The following ZFPM2 variants were observed in gnomAD, a reference collection of about 807,000 sequenced individuals.
The protein encoded by ZFPM2 is zinc finger protein ZFPM2.
In ZFPM2, 20 loss-of-function variants were observed where a neutral mutation model predicts 98.6. The ratio of observed to expected loss-of-function variants is 0.20; its 90% CI spans 0.14 to 0.29. The LOEUF (loss-of-function observed/expected upper bound fraction) is 0.29. Ranked by LOEUF, ZFPM2 falls within the 10% of genes least tolerant of loss-of-function variation. The pLI is 1.00. For missense variants in ZFPM2, 1,310 were observed against 1,388.6 expected, an observed-to-expected ratio of 0.94 and a Z score of 0.90; for synonymous variants, 518 against 502.7, an observed-to-expected ratio of 1.03 and a Z score of -0.41.
chr8:105,670,051 TA>T (rs1817559911), intron 5 of ZFPM2: 1 of 152,190 alleles, frequency 6.6e-6, no homozygotes, highest in South Asian at 2.1e-4. Context: ...AGTCAAACTT[TA>T]TTCTTTTTTA....
intron 2 of ZFPM2, among the ~76,000 whole-genome samples, chr8:105,424,850 G>T (rs56703672): frequency 6.6e-6 from 1 of 151,944 alleles, no homozygotes; most frequent in Non-Finnish European, 1.5e-5. Context: ...CAGGAGGAGA[G>T]AGAGAGAGGC....
At chr8:105,628,299 T>C (rs1816695555) in intron 4 of ZFPM2, among the ~76,000 whole-genome samples, 1 of 152,172 alleles carries the variant, frequency 6.6e-6, no homozygotes, top group African/African-American at 2.4e-5. Flanking sequence ...TGATTCAGGA[T>C]ATGATGTATC....
chr8:105,546,961 T>C (rs377279822), intron 3 of ZFPM2, among the ~76,000 whole-genome samples: 59 of 152,334 alleles, frequency 3.9e-4, no homozygotes, highest in African/African-American at 1.4e-3. Context: ...AATAAAAGTA[T>C]CACAGTTTCC....
intron 5 of ZFPM2, among the ~76,000 whole-genome samples, chr8:105,737,985 G>GA (rs1486054035): frequency 1.2e-5 from 1 of 85,062 alleles, no homozygotes; most frequent in African/African-American, 3.4e-5. Flanking sequence ...AAAAGATGAG[G>GA]AAAAAAAAGC....
intron 1 of ZFPM2, among the ~76,000 whole-genome samples, chr8:105,344,732 T>G (rs1812485365): frequency 6.6e-6 from 1 of 152,072 alleles, no homozygotes; most frequent in Non-Finnish European, 1.5e-5. Flanking sequence ...ATATATGCTA[T>G]GATTCTAAAT....
intron 3 of ZFPM2, among the ~76,000 whole-genome samples, chr8:105,486,026 GA>G (rs1228839052): frequency 6.6e-6 from 1 of 152,092 alleles, no homozygotes; most frequent in Non-Finnish European, 1.5e-5. Flanking sequence ...TGACTCACAT[GA>G]AAAGCTGGCC....
Position 105,380,676 on chromosome 8 carries a change from T to TTATATATATTA in ZFPM2, c.41-38459_41-38458insTATATATATAT, listed in dbSNP as rs1810841829. ...ATATATATTATATATAACATATATA[T>TTATATATATTA]TATATATATATTATATATAACATAT... On this transcript the variant is annotated intron_variant, in intron 1 of 7. Coordinates refer to ENST00000407775, the MANE Select transcript of ZFPM2 (RefSeq NM_012082.4). Among the ~76,000 whole-genome samples, 2 of 14,186 alleles carry TTATATATATTA rather than the reference T, an allele frequency of 1.4e-4. 1 individual carries two copies. The highest frequency in any genetic ancestry group is 6.5e-4 in the African/African-American group (2 of 3,054). 9.3% of individuals were successfully genotyped at this position (14,186 alleles called of 152,430 possible). A position where few individuals can be genotyped will look rare whatever the true frequency, so the allele number is the denominator to read the frequency against.
At chr8:105,571,805 A>T (rs1815360432) in intron 4 of ZFPM2, among the ~76,000 whole-genome samples, 1 of 152,284 alleles carries the variant, frequency 6.6e-6, no homozygotes, top group Non-Finnish European at 1.5e-5. Context: ...TCAAACTCTG[A>T]TAACATATTG....
At chr8:105,420,386 CA>C (rs997699530) in intron 2 of ZFPM2, among the ~76,000 whole-genome samples, 7 of 151,692 alleles carry the variant, frequency 4.6e-5, no homozygotes, top group East Asian at 1.9e-4. Flanking sequence ...ATGGTGTCAA[CA>C]AAAAAAGTCA....
intron 3 of ZFPM2, among the ~76,000 whole-genome samples, chr8:105,536,335 A>G (rs1250412457): frequency 1.3e-5 from 2 of 152,016 alleles, no homozygotes; most frequent in East Asian, 3.9e-4. Context: ...GATTGCTAAT[A>G]TATTAAGGAA....
intron 5 of ZFPM2, among the ~76,000 whole-genome samples, chr8:105,702,865 G>A (rs1376781286): frequency 6.6e-6 from 1 of 152,206 alleles, no homozygotes; most frequent in East Asian, 1.9e-4. Context: ...CTCTGACATT[G>A]TGGAGCCAAG....
rs1333304586 is a variant in ZFPM2, at chr8:105,798,954, T to A, written c.964+6T>A. The A allele has an allele frequency of 1.2e-6, 2 of 1,610,250 alleles. No homozygotes were observed. The highest frequency in any genetic ancestry group is 1.7e-4 in the Middle Eastern group (1 of 6,060). ...GCACCTGAATTCACACAGTGGTAAA[T>A]GCCCCTTTTGTTTCTTCTGTTGCTC... On this transcript the variant is annotated splice_donor_region_variant and intron_variant, in intron 7 of 7. Coordinates refer to ENST00000407775, the MANE Select transcript of ZFPM2 (RefSeq NM_012082.4).
intron 4 of ZFPM2, among the ~76,000 whole-genome samples, chr8:105,562,762 C>T (rs1322984451): frequency 4.6e-5 from 7 of 152,102 alleles, no homozygotes; most frequent in Non-Finnish European, 5.9e-5. Context: ...CTGCCTGGGT[C>T]GTCTAAGCTA....
intron 5 of ZFPM2, among the ~76,000 whole-genome samples, chr8:105,769,587 G>A (rs1812938090): frequency 6.6e-6 from 1 of 151,932 alleles, no homozygotes; most frequent in Admixed American, 6.6e-5. Flanking sequence ...TTTTCTTTAT[G>A]TCAGAGCTTA....
At chr8:105,622,893 A>G (rs1816581094) in intron 4 of ZFPM2, among the ~76,000 whole-genome samples, 1 of 152,232 alleles carries the variant, frequency 6.6e-6, no homozygotes, top group South Asian at 2.1e-4. Context: ...AGTAAATTTT[A>G]AAACCAAATA....
rs1006673963 is a variant in ZFPM2 at position 105,691,514 on chromosome 8, C to T, written c.532+57157C>T. Among the ~76,000 whole-genome samples, 5 of 151,888 alleles carry T rather than the reference C, an allele frequency of 3.3e-5. 2 individuals are homozygous for T. The highest frequency in any genetic ancestry group is 9.7e-5 in the African/African-American group (4 of 41,308). On this transcript the variant is annotated intron_variant, in intron 5 of 7. Coordinates refer to ENST00000407775, the MANE Select transcript of ZFPM2 (RefSeq NM_012082.4). ...CCACCCGCCTCGGCCTCCCAAAGTG[C>T]TGGGATTACAGGCGTGAGCCACCGC... is the stretch of plus-strand genomic sequence containing the variant.
intron 5 of ZFPM2, among the ~76,000 whole-genome samples, chr8:105,664,483 C>T (rs570971928): frequency 1.1e-4 from 16 of 152,090 alleles, no homozygotes; most frequent in African/African-American, 2.4e-4. Context: ...TACAGGCATG[C>T]GCCACCATTC....
intron 3 of ZFPM2, among the ~76,000 whole-genome samples, chr8:105,471,073 A>G (rs1812893932): frequency 6.6e-6 from 1 of 152,078 alleles, no homozygotes; most frequent in African/African-American, 2.4e-5. Flanking sequence ...ATAGTTTCTG[A>G]CTATTCCTTT....
At chr8:105,623,711 CTGAAATACAGACTGT>C (rs1210122555) in intron 4 of ZFPM2, among the ~76,000 whole-genome samples, 2 of 151,970 alleles carry the variant, frequency 1.3e-5, no homozygotes, top group African/African-American at 4.8e-5. Context: ...TTGGGTAATT[CTGAAATACAGACTGT>C]TGAACAGAAT....
Sources: allele counts gnomAD v4.1 joint callset (sites outside exome capture counted in the v4.1 genomes callset), GRCh38; gene constraint gnomAD v4.1.1; transcripts MANE v1.5; gene names NCBI Gene and HGNC (gene_info 2026-07-23, HGNC 2026-07-21).